Variants in ACY3 observed in about 807,000 individuals in gnomAD.
ACY3 encodes the protein aminoacylase 3.
A neutral mutation model predicts 24.6 loss-of-function variants in ACY3; 20 were observed. The observed-to-expected ratio is 0.81, with a 90% CI of 0.57 to 1.18. The LOEUF (loss-of-function observed/expected upper bound fraction) is 1.18. Among genes scored for constraint, ACY3 ranks in the 50% most tolerant of loss-of-function variants. The pLI, the probability that ACY3 is intolerant of heterozygous loss-of-function variation, is 0.00. For missense variants in ACY3, 423 were observed against 426.8 expected, an observed-to-expected ratio of 0.99 and a Z score of 0.08; for synonymous variants, 174 against 188.4, an observed-to-expected ratio of 0.92 and a Z score of 0.62.
At chr11:67,648,645 G>A (rs948437589) in intron 1 of ACY3, among the ~76,000 whole-genome samples, 6 of 152,172 alleles carry the variant, frequency 3.9e-5, no homozygotes, top group African/African-American at 1.2e-4. Flanking sequence ...GTCCAGCCCT[G>A]CTCCAGATGC....
chr11:67,648,485 A>T (rs116896732), intron 1 of ACY3, among the ~76,000 whole-genome samples: 4,463 of 152,068 alleles, frequency 0.029, 91 homozygotes, highest in Non-Finnish European at 0.041. Flanking sequence ...TGCTGGGAGG[A>T]GCTGAGGCCA....
chr11:67,646,569 T>C (rs1855520637), intron 3 of ACY3, among the ~76,000 whole-genome samples: 1 of 152,126 alleles, frequency 6.6e-6, no homozygotes, highest in African/African-American at 2.4e-5. Context: ...AAGAATTAGG[T>C]CTGGGATCCC....
intron 1 of ACY3, among the ~76,000 whole-genome samples, chr11:67,647,820 C>G (rs1855547588): frequency 6.6e-6 from 1 of 152,240 alleles, no homozygotes; most frequent in Non-Finnish European, 1.5e-5. Flanking sequence ...AGAGGGGCCA[C>G]CTTCCTTAAC....
In ACY3 at chr11:67,642,746, G is replaced by A; in HGVS notation, c.938C>T (p.Pro313Leu). The A allele has an allele frequency of 6.2e-7, 1 of 1,614,156 alleles. No homozygotes were observed. Among genetic ancestry groups the A allele is most frequent in the Non-Finnish European group, 8.5e-7 (1 of 1,180,024 alleles). Residue 313 changes from proline to leucine, a missense_variant, in exon 8 of 8, where the codon CCT becomes CTT. By Grantham distance (98) the Pro-to-Leu change is moderately conservative (BLOSUM62 -3). Coordinates refer to ENST00000255082, the MANE Select transcript of ACY3 (RefSeq NM_080658.2). ...GGGTTAGGAAGCTGGGCTCGGGGCAGGGGTCAGCGCGGGCATGGCAGGCAC... is the reference window on the plus strand; with the variant it reads ...GGGTTAGGAAGCTGGGCTCGGGGCAAGGGTCAGCGCGGGCATGGCAGGCAC... ...FTVPAMPALT[P>L]APSPAS is the part of the protein sequence containing the mutation.
chr11:67,644,724 A>ACCC lies in ACY3; in HGVS notation c.744+33_744+35dup, dbSNP rs764233133. On this transcript the variant is annotated intron_variant, in intron 7 of 7. Transcript: ENST00000255082. ...CCCCAAGGCTGTGGCCCCAGAAATC[A>ACCC]CCCCCCACCACACACACACACACAC... 3.5e-6 allele frequency: 5 copies of ACCC among 1,435,072 alleles called. No homozygotes were observed. The East Asian group carries it at 7.9e-5, about 23-fold the overall frequency. 88.9% of individuals were successfully genotyped at this position (1,435,072 alleles called of 1,614,324 possible).
At chr11:67,649,774 C>A (rs941394913) in intron 1 of ACY3, among the ~76,000 whole-genome samples, 1 of 142,020 alleles carries the variant, frequency 7.0e-6, no homozygotes, top group African/African-American at 2.7e-5. Flanking sequence ...TGCATGTGTG[C>A]GTGTGTACGT....
At chr11:67,645,536 G>A (rs1259942188) in intron 4 of ACY3, among the ~76,000 whole-genome samples, 156 bp from the exon 5 acceptor site, 1 of 152,142 alleles carries the variant, frequency 6.6e-6, no homozygotes. Context: ...CCGGGGGCCT[G>A]GAGTGCTGGC....
At chr11:67,649,657 C>T (rs1457171380) in intron 1 of ACY3, among the ~76,000 whole-genome samples, 1 of 139,612 alleles carries the variant, frequency 7.2e-6, no homozygotes, top group African/African-American at 2.9e-5. Context: ...TGCGTGTGTA[C>T]ATGTGTGTGC....
rs544354235 is a variant in ACY3, at chr11:67,646,661, G to A, written c.236+147C>T. 1.2e-4 allele frequency: 96 copies of A among 829,384 alleles called. No individual in the cohort carries two copies. The African/African-American group carries it at 1.5e-3, about 13-fold the overall frequency. 51.4% of individuals were successfully genotyped at this position (829,384 alleles called of 1,614,324 possible). A position where few individuals can be genotyped will look rare whatever the true frequency, so the allele number is the denominator to read the frequency against. ...TCAATCTTGGTTTCTCTAAATGTTC[G>A]GTTTGTCCCGTGGAGGAATGGGCCA... On this transcript the variant is annotated intron_variant, in intron 3 of 7. Coordinates refer to ENST00000255082, the MANE Select transcript of ACY3 (RefSeq NM_080658.2).
Position 67,645,285 on chromosome 11 carries a change from A to T in ACY3, c.526+2T>A. ...CCCACTTCTCAGAAGGCTGCGGCCC[A>T]CCCAGTCCATTTTTGGCCACAGAGT... On this transcript the variant is annotated splice_donor_variant, in intron 5 of 7. Transcript: ENST00000255082. LOFTEE classifies it high-confidence loss of function. 1 of 1,613,222 alleles carries T rather than the reference A, an allele frequency of 6.2e-7. No homozygotes were observed. The highest frequency in any genetic ancestry group is 8.5e-7 in the Non-Finnish European group (1 of 1,179,884).
intron 7 of ACY3, among the ~76,000 whole-genome samples, chr11:67,643,785 A>G (rs1339712028): frequency 6.6e-6 from 1 of 151,948 alleles, no homozygotes; most frequent in African/African-American, 2.4e-5. Flanking sequence ...ACTTGAGGTC[A>G]GGAGTTCGAG....
chr11:67,648,615 C>T (rs1163623126), intron 1 of ACY3, among the ~76,000 whole-genome samples: 1 of 152,146 alleles, frequency 6.6e-6, no homozygotes, highest in African/African-American at 2.4e-5. Flanking sequence ...TTTACCACCA[C>T]ACTGGGTCTC....
In ACY3 at chr11:67,646,891, C is replaced by T; in HGVS notation, c.153G>A (p.Val51=). ...LQRASFSAVP[V]LANPAATSGC... is the part of the protein sequence containing the mutation. ...CGGATGTGGCTGCCGGGTTGGCCAG[C>T]ACAGGCACAGCGGAGAAGCTGGCTC... The change falls in exon 3 of 8, where the codon GTG becomes GTA. Residue 51 remains valine (V), a synonymous_variant. Coordinates refer to ENST00000255082, the MANE Select transcript of ACY3 (RefSeq NM_080658.2). 6.2e-7 allele frequency: 1 copy of T among 1,612,178 alleles called. No individual in the cohort carries two copies. The highest frequency in any genetic ancestry group is 8.5e-7 in the Non-Finnish European group (1 of 1,179,654).
chr11:67,650,567 C>G lies in ACY3; in HGVS notation c.-95+16G>C, dbSNP rs972463597. On this transcript the variant is annotated intron_variant, in intron 1 of 7. Coordinates refer to ENST00000255082, the MANE Select transcript of ACY3 (RefSeq NM_080658.2). ...GTAAAGCAGTGGGCCGCGGCACCTT[C>G]CCCGGGCGAACTCACCCACGTGGCC... 6.6e-6 allele frequency: 1 copy of G among 152,206 alleles called. No homozygotes were observed. Among genetic ancestry groups the G allele is most frequent in the Non-Finnish European group, 1.5e-5 (1 of 68,040 alleles). 9.4% of individuals were successfully genotyped at this position (152,206 alleles called of 1,614,324 possible).
Position 67,644,854 on chromosome 11 carries a change from G to T in ACY3, c.650C>A (p.Ala217Asp), listed in dbSNP as rs1485421918. The T allele has an allele frequency of 1.9e-6, 3 of 1,599,656 alleles. No homozygotes were observed. The highest frequency in any genetic ancestry group is 2.6e-6 in the Non-Finnish European group (3 of 1,173,414). Reference sequence around the variant, plus strand: ...GGGTCTATAGGCTTCCATCTCAAAGGCAGGAAAGGCCGTACCTGTGTGGGA... The same window carrying T: ...GGGTCTATAGGCTTCCATCTCAAAGTCAGGAAAGGCCGTACCTGTGTGGGA... ...ELFNQGTAFP[A>D]FEMEAYRPVG... is the part of the protein sequence containing the mutation. The change falls in exon 7 of 8, where the codon GCC (alanine) becomes GAC (aspartate). Residue 217 changes from alanine to aspartate, a missense_variant. Ala to Asp is a moderately radical substitution (Grantham distance 126). Coordinates refer to ENST00000255082, the MANE Select transcript of ACY3 (RefSeq NM_080658.2).
intron 1 of ACY3, among the ~76,000 whole-genome samples, chr11:67,649,470 T>C (rs1319808910): frequency 2.0e-5 from 3 of 152,216 alleles, no homozygotes; most frequent in Non-Finnish European, 4.4e-5. Context: ...TGAGTGTTTA[T>C]GGAACAGAAC....
rs1855532730 is a variant in ACY3, at chr11:67,647,065, TG to T, written c.-20-3del. The T allele has an allele frequency of 1.3e-6, 2 of 1,484,786 alleles. No individual in the cohort carries two copies. The highest frequency in any genetic ancestry group is 1.8e-6 in the Non-Finnish European group (2 of 1,115,952). 92.0% of individuals were successfully genotyped at this position (1,484,786 alleles called of 1,614,324 possible). On this transcript the variant is annotated splice_region_variant and splice_polypyrimidine_tract_variant and intron_variant, in intron 2 of 7. Coordinates refer to ENST00000255082, the MANE Select transcript of ACY3 (RefSeq NM_080658.2). ...ACATGCTGGTGTGGGGTGCAGAACC[TG>T]GGGGTGGGCATACTTAGGAGACCCT...
At chr11:67,647,232 G>A (rs753859453) in intron 2 of ACY3, among the ~76,000 whole-genome samples, 169 bp from the exon 3 acceptor site, 4 of 152,222 alleles carry the variant, frequency 2.6e-5, no homozygotes, top group African/African-American at 9.7e-5. Context: ...TTTCTCTGAG[G>A]AGACAATTTT....
Position 67,647,036 on chromosome 11 carries a change from G to T in ACY3, c.8C>A (p.Ser3Ter). The change falls in exon 3 of 8, where the codon TCA (serine) becomes TAA (stop). Residue 3 changes from serine (S) to a stop codon, truncating the protein, a stop_gained. Transcript: ENST00000255082. LOFTEE classifies it high-confidence loss of function. MC[S>*]LPVPREPLRR... ...CAGGGGCTCCCGGGGCACAGGCAGT[G>T]AGCACATGCTGGTGTGGGGTGCAGA... 6.5e-7 allele frequency: 1 copy of T among 1,530,940 alleles called. No individual in the cohort carries two copies. The allele number at this position is 1,530,940 out of a possible 1,614,324, so 94.8% of individuals were successfully genotyped here.
Sources: allele counts gnomAD v4.1 joint callset (sites outside exome capture counted in the v4.1 genomes callset), GRCh38; gene constraint gnomAD v4.1.1; transcripts MANE v1.5; gene names NCBI Gene and HGNC (gene_info 2026-07-23, HGNC 2026-07-21).